TMEM164: variants seen among roughly 807,000 people sequenced by gnomAD.
The protein encoded by TMEM164 is RP13-360B22.2.
A neutral mutation model predicts 18.8 loss-of-function variants in TMEM164; 4 were observed. The observed-to-expected ratio is 0.21, with a 90% CI of 0.10 to 0.49. TMEM164 has a LOEUF of 0.49. Among genes scored for constraint, TMEM164 ranks in the 20% least tolerant of loss-of-function variants. The pLI is 0.98. For synonymous variants in TMEM164, 86 were observed against 101.7 expected, an observed-to-expected ratio of 0.85 and a Z score of 0.93; for missense variants, 108 against 239.9, an observed-to-expected ratio of 0.45 and a Z score of 3.63.
At chrX:110,080,710 T>G (rs2065740834) in intron 3 of TMEM164, among the ~76,000 whole-genome samples, 1 of 111,550 alleles carries the variant, frequency 9.0e-6, no homozygotes, top group Non-Finnish European at 1.9e-5. Context: ...CAACTTTTTA[T>G]AATACACAAC....
intron 3 of TMEM164, among the ~76,000 whole-genome samples, chrX:110,090,509 G>A (rs1484912545): frequency 1.8e-5 from 2 of 109,876 alleles, no homozygotes; most frequent in Non-Finnish European, 3.8e-5. Context: ...TAGAGGTGGG[G>A]TTTCACCATA....
At chrX:110,097,068 A>T (rs1286584944) in intron 3 of TMEM164, among the ~76,000 whole-genome samples, 1 of 111,912 alleles carries the variant, frequency 8.9e-6, no homozygotes, top group Non-Finnish European at 1.9e-5. Context: ...CAGTGGCATG[A>T]TCTTGGCTCA....
At chrX:110,113,248 T>C (rs1222725079) in intron 4 of TMEM164, among the ~76,000 whole-genome samples, 1 of 112,650 alleles carries the variant, frequency 8.9e-6, no homozygotes, top group African/African-American at 3.2e-5. Flanking sequence ...GGTCAATCTT[T>C]GTGCTCTTTT....
intron 4 of TMEM164, among the ~76,000 whole-genome samples, chrX:110,125,326 C>T (rs749662632): frequency 9.0e-6 from 1 of 111,383 alleles, no homozygotes; most frequent in African/African-American, 3.3e-5. Context: ...ATGATTGTTG[C>T]GGGGAGGAAT....
In TMEM164 at chrX:110,020,521, T is replaced by C. The variant is rs150961009; in HGVS notation, c.390+16357T>C. The C allele has an allele frequency of 3.2e-3, 2,413 of 752,427 alleles. 50 individuals are homozygous for C. In the African/African-American group the frequency reaches 0.053, roughly 16 times the overall value. The allele number at this position is 752,427 out of a possible 1,213,427, so 62.0% of individuals were successfully genotyped here. On this transcript the variant is annotated intron_variant, in intron 2 of 6. Transcript: ENST00000372068. ...AAAAGTATTCTGGGGAATGTCTCCT[T>C]TGGGAGCAGAAAGAAGACTCTGACG... is the stretch of plus-strand genomic sequence containing the variant.
intron 3 of TMEM164, among the ~76,000 whole-genome samples, chrX:110,083,349 C>A (rs2065786236): frequency 9.0e-6 from 1 of 111,561 alleles, no homozygotes; most frequent in Non-Finnish European, 1.9e-5. Context: ...TGCTATTATA[C>A]TTTTATCATA....
At chrX:110,128,615 ACT>A (rs1226904674) in intron 4 of TMEM164, among the ~76,000 whole-genome samples, 1 of 110,545 alleles carries the variant, frequency 9.0e-6, no homozygotes, top group Non-Finnish European at 1.9e-5. Flanking sequence ...ATAACTTCAA[ACT>A]CTGCCTCTGT....
chrX:110,018,033 G>A (rs1184266928), intron 2 of TMEM164, among the ~76,000 whole-genome samples: 1 of 112,293 alleles, frequency 8.9e-6, no homozygotes, highest in Non-Finnish European at 1.9e-5. Flanking sequence ...CACTGAGCCT[G>A]CATGTAGAGC....
intron 2 of TMEM164, among the ~76,000 whole-genome samples, chrX:110,052,994 G>A (rs760496346): frequency 2.7e-5 from 3 of 110,479 alleles, no homozygotes; most frequent in Non-Finnish European, 3.8e-5. Flanking sequence ...CTCATGATCT[G>A]CCCACCTTGG....
chrX:110,167,682 A>G (rs2067175055), intron 5 of TMEM164, among the ~76,000 whole-genome samples: 1 of 111,434 alleles, frequency 9.0e-6, no homozygotes, highest in African/African-American at 3.3e-5. Flanking sequence ...TAATTTTATG[A>G]TTCTCCAGAA....
rs182063327 is a variant in TMEM164, at chrX:110,117,422, C to T, written c.507+8276C>T. On this transcript the variant is annotated intron_variant, in intron 4 of 6. Transcript: ENST00000372068. The stretch of plus-strand genomic sequence containing the variant: ...CAGAAATAGTAGATGCTCATGACTA[C>T]AGTAGCAATAATATATTGTATATTT... Among the ~76,000 whole-genome samples the T allele has an allele frequency of 1.7e-3, 189 of 112,234 alleles. 1 individual carries two copies. Among genetic ancestry groups the T allele is most frequent in the Non-Finnish European group, 3.1e-3 (165 of 53,231 alleles).
At chrX:110,098,950 ATTTT>A (rs772519388) in intron 3 of TMEM164, among the ~76,000 whole-genome samples, 2 of 85,095 alleles carry the variant, frequency 2.4e-5, no homozygotes, top group Non-Finnish European at 4.6e-5. Flanking sequence ...CACCCGGCTA[ATTTT>A]TTTTTTTTTT....
downstream of TMEM164, among the ~76,000 whole-genome samples, chrX:110,179,865 C>T (rs1481986117): frequency 8.9e-6 from 1 of 112,132 alleles, no homozygotes; most frequent in East Asian, 2.8e-4. Flanking sequence ...GATCTTACAC[C>T]TGAGTGCTAA....
At chrX:110,047,405 G>A (rs772194794) in intron 2 of TMEM164, among the ~76,000 whole-genome samples, 3 of 112,188 alleles carry the variant, frequency 2.7e-5, no homozygotes, top group African/African-American at 6.5e-5. Context: ...GCTTGCATCC[G>A]TGTTTCCTTC....
In TMEM164 at chrX:110,031,516, T is replaced by C. The variant is rs138209531; in HGVS notation, c.390+27352T>C. Among the ~76,000 whole-genome samples the C allele has an allele frequency of 4.7e-3, 518 of 110,691 alleles. 2 individuals are homozygous for C. The highest frequency in any genetic ancestry group is 0.016 in the African/African-American group (473 of 30,461). On this transcript the variant is annotated intron_variant, in intron 2 of 6. Coordinates refer to ENST00000372068, the MANE Select transcript of TMEM164 (RefSeq NM_032227.4). ...TTATATATTTTTTAAGAGATGGGGG[T>C]CTCACTATGTTGCCCAGGCTGGTCT...
At chrX:110,054,865 G>T (rs1035427393) in intron 2 of TMEM164, among the ~76,000 whole-genome samples, 7 of 112,080 alleles carry the variant, frequency 6.2e-5, no homozygotes. Context: ...GATTGATGAT[G>T]AGAGAGAGAC....
intron 4 of TMEM164, among the ~76,000 whole-genome samples, chrX:110,134,374 ACTCTGTAT>A (rs1334762450): frequency 9.1e-6 from 1 of 109,970 alleles, no homozygotes; most frequent in Non-Finnish European, 1.9e-5. Flanking sequence ...ACATGGCAAA[ACTCTGTAT>A]CTACTAAAAA....
At chrX:110,037,482 T>C (rs1343978241) in intron 2 of TMEM164, among the ~76,000 whole-genome samples, 1 of 112,022 alleles carries the variant, frequency 8.9e-6, no homozygotes, top group East Asian at 2.8e-4. Flanking sequence ...TGATTTATTT[T>C]TGCATTAGCT....
chrX:110,139,095 C>A (rs1221494576), intron 4 of TMEM164, among the ~76,000 whole-genome samples: 2 of 112,421 alleles, frequency 1.8e-5, no homozygotes, highest in African/African-American at 6.5e-5. Context: ...CCATTACTAC[C>A]ACAAATGGAA....
Sources: allele counts gnomAD v4.1 joint callset (sites outside exome capture counted in the v4.1 genomes callset), GRCh38; gene constraint gnomAD v4.1.1; transcripts MANE v1.5; gene names NCBI Gene and HGNC (gene_info 2026-07-23, HGNC 2026-07-21).